The following TPO variants were observed in gnomAD, a reference collection of about 807,000 sequenced individuals.
TPO encodes thyroid peroxidase.
In TPO, 78 loss-of-function variants were observed where a neutral mutation model predicts 96.9. The observed-to-expected ratio is 0.81, with a 90% CI of 0.67 to 0.97. TPO has a LOEUF of 0.97. Among genes scored for constraint, TPO ranks in the 50% least tolerant of loss-of-function variants. TPO has a pLI of 0.00. For synonymous variants in TPO, 547 were observed against 538.0 expected (o/e 1.02, Z -0.23); for missense variants, 1,252 against 1,274.8 (o/e 0.98, Z 0.27).
chr2:1,479,439 C>A (rs1670327288), intron 8 of TPO, among the ~76,000 whole-genome samples: 1 of 152,218 alleles, frequency 6.6e-6, no homozygotes, highest in Non-Finnish European at 1.5e-5. Flanking sequence ...CCCCTTCTGT[C>A]TCCTCAGGAG....
intron 15 of TPO, among the ~76,000 whole-genome samples, chr2:1,517,285 G>A (rs1028500334): frequency 3.9e-5 from 6 of 152,202 alleles, no homozygotes; most frequent in Non-Finnish European, 8.8e-5. Flanking sequence ...GTAGTCTCTT[G>A]TTAGGAGTAA....
At chr2:1,415,259 C>T (rs571204111) in intron 2 of TPO, among the ~76,000 whole-genome samples, 3 of 145,152 alleles carry the variant, frequency 2.1e-5, no homozygotes, top group African/African-American at 5.1e-5. Flanking sequence ...CCCTGGGCCT[C>T]TGGACACAGT....
At chr2:1,477,698 G>T in intron 8 of TPO, 94 bp downstream of exon 8, 2 of 1,389,490 alleles carry the variant, frequency 1.4e-6, no homozygotes, top group Non-Finnish European at 1.9e-6. Context: ...TCTCTCCCAG[G>T]TACTTGCACA....
At chr2:1,524,954 C>G (rs1161174634) in intron 15 of TPO, among the ~76,000 whole-genome samples, 4 of 122,146 alleles carry the variant, frequency 3.3e-5, no homozygotes, top group South Asian at 2.8e-4. Flanking sequence ...CGACTCTGTG[C>G]AACCTCCCCA....
Position 1,484,655 on chromosome 2 carries a change from C to T in TPO, c.1398C>T (p.Tyr466=), listed in dbSNP as rs1464680747. ...TGGGACCCGAGGCCTTCCAGCAGTA[C>T]GTGGGTCCCTATGAAGGCTATGACT... is the stretch of plus-strand genomic sequence containing the variant. ...RILGPEAFQQ[Y]VGPYEGYDST... is the part of the protein sequence containing the mutation. The change falls in exon 9 of 17, where the codon TAC becomes TAT. Residue 466 remains tyrosine (Y), a synonymous_variant. Transcript: ENST00000329066. The T allele has an allele frequency of 9.9e-6, 16 of 1,614,032 alleles. No homozygotes were observed. Among genetic ancestry groups the T allele is most frequent in the East Asian group, 2.2e-5 (1 of 44,872 alleles).
intron 1 of TPO, among the ~76,000 whole-genome samples, chr2:1,379,857 T>A (rs752234224): frequency 6.6e-6 from 1 of 152,132 alleles, no homozygotes; most frequent in Non-Finnish European, 1.5e-5. Context: ...CATAACAAAA[T>A]CTTTGAGAAA....
At chr2:1,381,929 A>T (rs1031017234) in intron 1 of TPO, among the ~76,000 whole-genome samples, 1 of 152,120 alleles carries the variant, frequency 6.6e-6, no homozygotes, top group African/African-American at 2.4e-5. Flanking sequence ...GAATTAGAGA[A>T]ATTGTGCCTG....
At chr2:1,531,539 C>A (rs1353798194) in intron 15 of TPO, among the ~76,000 whole-genome samples, 1 of 106,638 alleles carries the variant, frequency 9.4e-6, no homozygotes, top group East Asian at 3.0e-4. Context: ...CTCCTCAAAT[C>A]CCTCCCACTC....
chr2:1,462,215 C>A (rs1668511583), intron 7 of TPO, among the ~76,000 whole-genome samples: 1 of 152,092 alleles, frequency 6.6e-6, no homozygotes, highest in African/African-American at 2.4e-5. Flanking sequence ...GTGCTGCGGG[C>A]AGCAGGCGGG....
intron 1 of TPO, among the ~76,000 whole-genome samples, chr2:1,386,663 C>A (rs1661899852): frequency 6.6e-6 from 1 of 152,098 alleles, no homozygotes; most frequent in Non-Finnish European, 1.5e-5. Flanking sequence ...GACTCTTTAT[C>A]CAATTTGCCA....
intron 15 of TPO, among the ~76,000 whole-genome samples, chr2:1,527,233 C>T (rs1206556097): frequency 2.2e-5 from 3 of 139,350 alleles, no homozygotes; most frequent in Non-Finnish European, 4.6e-5. Flanking sequence ...TACTCAAATC[C>T]CCCCACTGTG....
chr2:1,437,920 T>C (rs914603663), intron 5 of TPO, among the ~76,000 whole-genome samples: 6 of 151,792 alleles, frequency 4.0e-5, no homozygotes, highest in African/African-American at 1.4e-4. Context: ...GTGGGAGACA[T>C]AGATGTAGAC....
At chr2:1,537,090 CGT>C in intron 15 of TPO, among the ~76,000 whole-genome samples, 1 of 108,852 alleles carries the variant, frequency 9.2e-6, no homozygotes, top group Non-Finnish European at 2.0e-5. Flanking sequence ...TCACCAAATC[CGT>C]CCACTGTGTG....
In TPO at chr2:1,433,556, G is replaced by A; in HGVS notation, c.298G>A (p.Ala100Thr). ...AGAGATAATGGAAACATCAATACAAGCGATGAAAAGAAAAGTCAACCTGAA... is the reference window on the plus strand; with the variant it reads ...AGAGATAATGGAAACATCAATACAAACGATGAAAAGAAAAGTCAACCTGAA... ...AAEIMETSIQAMKRKVNLKTQ... is the reference protein window; with the variant it reads ...AAEIMETSIQTMKRKVNLKTQ... Residue 100 changes from alanine to threonine, a missense_variant, in exon 4 of 17, where the codon GCG becomes ACG. Ala to Thr is a moderately conservative substitution (Grantham distance 58). Transcript: ENST00000329066. 2 of 1,614,162 alleles carry A rather than the reference G, an allele frequency of 1.2e-6. No individual in the cohort carries two copies. The highest frequency in any genetic ancestry group is 1.7e-6 in the Non-Finnish European group (2 of 1,180,038).
chr2:1,391,609 A>G (rs1357990869), intron 1 of TPO, among the ~76,000 whole-genome samples: 1 of 152,176 alleles, frequency 6.6e-6, no homozygotes, highest in East Asian at 1.9e-4. Flanking sequence ...CTTGGGCAGT[A>G]TGGCCATTTT....
chr2:1,457,616 G>A (rs1667952007), intron 7 of TPO, among the ~76,000 whole-genome samples: 1 of 151,776 alleles, frequency 6.6e-6, no homozygotes, highest in Admixed American at 6.6e-5. Context: ...GTATGATAGT[G>A]TGTGGGCAGA....
At chr2:1,528,964 A>C (rs1484286997) in intron 15 of TPO, among the ~76,000 whole-genome samples, 5 of 129,726 alleles carry the variant, frequency 3.9e-5, no homozygotes, top group Non-Finnish European at 7.8e-5. Context: ...ATCCTCCTAA[A>C]ATCCCCCCAC....
intron 3 of TPO, among the ~76,000 whole-genome samples, chr2:1,430,539 G>A (rs984547357): frequency 6.6e-6 from 1 of 152,168 alleles, no homozygotes; most frequent in African/African-American, 2.4e-5. Context: ...TGTGGGAAGG[G>A]GGCCATCGCC....
At position 1,497,761 on chromosome 2, in the gene TPO, G is replaced by A. The variant is rs923120859; in HGVS notation, c.2386+996G>A. On this transcript the variant is annotated intron_variant, in intron 13 of 16. Transcript: ENST00000329066. ...AGACTCACAGTCTCCTGTGAGCTAC[G>A]TGCTATGAGCTGCACTTACCTAGAC... Among the ~76,000 whole-genome samples the A allele has an allele frequency of 5.9e-5, 9 of 152,238 alleles. No individual in the cohort carries two copies. In the East Asian group the frequency reaches 1.2e-3, roughly 20 times the overall value.
Sources: gnomAD v4.1 joint callset for allele counts (sites outside exome capture counted in the v4.1 genomes callset) on GRCh38, gnomAD v4.1.1 for gene constraint, MANE v1.5 for transcripts, NCBI Gene and HGNC (gene_info 2026-07-23, HGNC 2026-07-21) for gene names.